LMBR1: variants seen among roughly 807,000 people sequenced by gnomAD.
The protein encoded by LMBR1 is limb development membrane protein 1, also known as limb region 1 protein homolog.
In LMBR1, 52 loss-of-function variants were observed where a neutral mutation model predicts 73.9. The ratio of observed to expected loss-of-function variants is 0.70; its 90% CI spans 0.56 to 0.89. The LOEUF is 0.89. Ranked by LOEUF, LMBR1 falls within the 40% of genes least tolerant of loss-of-function variation. The probability of loss-of-function intolerance (pLI) is 0.00; values close to 1 mark genes in which losing one functional copy is unlikely to be tolerated. For synonymous variants in LMBR1, 215 were observed against 209.4 expected (o/e 1.03, Z -0.23); for missense variants, 539 against 579.8 (o/e 0.93, Z 0.72).
intron 9 of LMBR1, among the ~76,000 whole-genome samples, chr7:156,744,547 A>G (rs923582169): frequency 6.6e-6 from 1 of 151,894 alleles, no homozygotes; most frequent in Admixed American, 6.6e-5. Flanking sequence ...TTAGATGCCT[A>G]TTATTTACAT....
chr7:156,843,079 G>A (rs1009457290), intron 1 of LMBR1, among the ~76,000 whole-genome samples: 6 of 152,134 alleles, frequency 3.9e-5, no homozygotes, highest in Admixed American at 3.9e-4. Flanking sequence ...TGAGCTCTAT[G>A]CAGCAACTTC....
intron 1 of LMBR1, among the ~76,000 whole-genome samples, chr7:156,840,693 C>A (rs939407143): frequency 5.3e-5 from 8 of 151,736 alleles, no homozygotes; most frequent in Non-Finnish European, 1.0e-4. Context: ...GGCGCGGTGG[C>A]TCACTCCTGT....
chr7:156,724,113 C>T lies in LMBR1; in HGVS notation c.1224G>A (p.Leu408=). ...SSALPVMSRT[L]GITRFDLLGD... ...TGAAAATTTCTCACTGAAACTTACC[C>T]AGTGTTCTCGACATCACAGGCAGAG... Residue 408 remains leucine (L), a splice_region_variant and synonymous_variant, in exon 15 of 17, where the codon CTG becomes CTA. Transcript: ENST00000353442. The T allele has an allele frequency of 6.2e-7, 1 of 1,607,482 alleles. No homozygotes were observed.
intron 5 of LMBR1, among the ~76,000 whole-genome samples, chr7:156,783,997 TG>T (rs1404843542): frequency 4.3e-5 from 6 of 139,142 alleles, no homozygotes; most frequent in African/African-American, 1.5e-4. Context: ...GGTTTTTTTC[TG>T]TTTTTTTTTT....
chr7:156,699,507 T>C lies in LMBR1; in HGVS notation c.1226-11316A>G, dbSNP rs962822780. Among the ~76,000 whole-genome samples the C allele has an allele frequency of 3.4e-4, 51 of 152,008 alleles. 1 individual carries two copies. The South Asian group carries it at 0.01, about 30-fold the overall frequency. On this transcript the variant is annotated intron_variant, in intron 15 of 16. Transcript: ENST00000353442. ...GACATAGGCACGGGCAAGGAATTCATGTCTAAAACACCAAAAGCAATGGCA... is the reference window on the plus strand; with the variant it reads ...GACATAGGCACGGGCAAGGAATTCACGTCTAAAACACCAAAAGCAATGGCA...
chr7:156,841,124 A>C (rs773348171), intron 1 of LMBR1, among the ~76,000 whole-genome samples: 1 of 152,048 alleles, frequency 6.6e-6, no homozygotes, highest in East Asian at 1.9e-4. Context: ...CACGTTTTGA[A>C]AGCAGACATG....
intron 8 of LMBR1, among the ~76,000 whole-genome samples, chr7:156,757,086 G>A (rs1278200031): frequency 6.6e-6 from 1 of 152,138 alleles, no homozygotes; most frequent in East Asian, 1.9e-4. Context: ...AAAGTGCTGG[G>A]ATTATAGAAG....
intron 1 of LMBR1, among the ~76,000 whole-genome samples, chr7:156,839,600 T>C (rs1838283455): frequency 6.6e-6 from 1 of 152,202 alleles, no homozygotes; most frequent in African/African-American, 2.4e-5. Context: ...GAAGAAGTAC[T>C]GGTGGCCATA....
downstream of LMBR1, among the ~76,000 whole-genome samples, chr7:156,673,000 G>A (rs1356240212): frequency 2.6e-5 from 4 of 152,234 alleles, no homozygotes; most frequent in Non-Finnish European, 4.4e-5. Flanking sequence ...CAGGCCCGGG[G>A]CAAAGCCTGA....
At chr7:156,836,969 G>A in intron 1 of LMBR1, 84 bp from the exon 2 acceptor site, 1 of 861,098 alleles carries the variant, frequency 1.2e-6, no homozygotes. Flanking sequence ...GATATTTATA[G>A]GAAAAAAGGA....
At chr7:156,876,570 C>T (rs1800210696) in intron 1 of LMBR1, among the ~76,000 whole-genome samples, 1 of 152,112 alleles carries the variant, frequency 6.6e-6, no homozygotes, top group Non-Finnish European at 1.5e-5. Flanking sequence ...TATGATAGGA[C>T]ACAAAACAAG....
At chr7:156,818,127 G>A (rs1252854697) in intron 4 of LMBR1, among the ~76,000 whole-genome samples, 2 of 152,114 alleles carry the variant, frequency 1.3e-5, no homozygotes, top group African/African-American at 4.8e-5. Context: ...TTTTGACTTA[G>A]CATCTATTCA....
intron 15 of LMBR1, among the ~76,000 whole-genome samples, chr7:156,698,830 C>T (rs979001734): frequency 6.6e-6 from 1 of 152,160 alleles, no homozygotes; most frequent in African/African-American, 2.4e-5. Context: ...ACATTCAGCT[C>T]CTCATTACTT....
At chr7:156,714,121 TGA>T in intron 15 of LMBR1, among the ~76,000 whole-genome samples, 1 of 152,322 alleles carries the variant, frequency 6.6e-6, no homozygotes, top group East Asian at 1.9e-4. Flanking sequence ...AACTGGGAAG[TGA>T]GAGTGTGTAA....
At chr7:156,694,868 A>G (rs1807959800) in intron 15 of LMBR1, among the ~76,000 whole-genome samples, 1 of 151,984 alleles carries the variant, frequency 6.6e-6, no homozygotes, top group African/African-American at 2.4e-5. Flanking sequence ...TAGATGAAAT[A>G]AACAAATTCC....
intron 5 of LMBR1, among the ~76,000 whole-genome samples, chr7:156,776,168 A>G (rs1826105345): frequency 6.6e-6 from 1 of 151,336 alleles, no homozygotes; most frequent in African/African-American, 2.4e-5. Flanking sequence ...AGTAAACACA[A>G]TGTAATGGTT....
At chr7:156,828,664 AAAC>A (rs1414308169) in intron 3 of LMBR1, among the ~76,000 whole-genome samples, 7 of 152,182 alleles carry the variant, frequency 4.6e-5, no homozygotes, top group African/African-American at 1.7e-4. Flanking sequence ...ATGATAATTA[AAAC>A]AATAAAACCA....
intron 14 of LMBR1, among the ~76,000 whole-genome samples, chr7:156,724,802 G>C (rs1815359666): frequency 7.0e-6 from 1 of 142,190 alleles, no homozygotes. Flanking sequence ...GTGTGTGTGT[G>C]TGTGTAAAAT....
chr7:156,830,264 G>A (rs1326642309), intron 3 of LMBR1, among the ~76,000 whole-genome samples: 1 of 151,902 alleles, frequency 6.6e-6, no homozygotes, highest in Non-Finnish European at 1.5e-5. Context: ...TCAATAAAAT[G>A]AAAGACCTCA....
Sources: allele counts gnomAD v4.1 joint callset (sites outside exome capture counted in the v4.1 genomes callset), GRCh38; gene constraint gnomAD v4.1.1; transcripts MANE v1.5; gene names NCBI Gene and HGNC (gene_info 2026-07-23, HGNC 2026-07-21).